The following ARHGAP15 variants were observed in gnomAD, a reference collection of about 807,000 sequenced individuals.
ARHGAP15 encodes rho GTPase-activating protein 15.
In ARHGAP15, 51 loss-of-function variants were observed where a neutral mutation model predicts 63.7. The observed-to-expected ratio is 0.80, with a 90% confidence interval of 0.64 to 1.01. The LOEUF is 1.01. Among genes scored for constraint, ARHGAP15 ranks in the 50% least tolerant of loss-of-function variants. ARHGAP15 has a pLI of 0.00. For synonymous variants in ARHGAP15, 191 were observed against 193.8 expected (o/e 0.99, Z 0.12); for missense variants, 560 against 564.6 (o/e 0.99, Z 0.08).
chr2:143,437,308 G>T, intron 8 of ARHGAP15: 1 of 355,678 alleles, frequency 2.8e-6, no homozygotes, highest in African/African-American at 2.1e-5. Flanking sequence ...AATAGCCATG[G>T]TGTTCAGATC....
At chr2:143,576,194 G>T (rs1039140218) in intron 11 of ARHGAP15, among the ~76,000 whole-genome samples, 2 of 152,126 alleles carry the variant, frequency 1.3e-5, no homozygotes, top group African/African-American at 2.4e-5. Context: ...ATGCTTATGT[G>T]CCACTGAAGG....
intron 11 of ARHGAP15, among the ~76,000 whole-genome samples, chr2:143,592,935 C>T (rs1697377664): frequency 6.6e-6 from 1 of 152,144 alleles, no homozygotes; most frequent in Non-Finnish European, 1.5e-5. Flanking sequence ...TTTATATGTG[C>T]ACCATCCCAC....
chr2:143,520,796 A>G lies in ARHGAP15; in HGVS notation c.925+1432A>G, dbSNP rs1359173904. Among the ~76,000 whole-genome samples, 3 of 152,164 alleles carry G rather than the reference A, an allele frequency of 2.0e-5. 1 individual carries two copies. The highest frequency in any genetic ancestry group is 4.1e-4 in the South Asian group (2 of 4,834). On this transcript the variant is annotated intron_variant, in intron 10 of 13. Transcript: ENST00000295095. The stretch of plus-strand genomic sequence containing the variant: ...CCACTTATAAATACTCAGCCCTGAC[A>G]GTGTGAGCACTATTAGACCAAAAAC...
intron 6 of ARHGAP15, among the ~76,000 whole-genome samples, chr2:143,254,791 C>A (rs1017249913): frequency 3.3e-5 from 5 of 151,940 alleles, no homozygotes; most frequent in Non-Finnish European, 5.9e-5. Flanking sequence ...AGACTGAACA[C>A]TTTTTAGCTG....
In ARHGAP15 at chr2:143,709,067, G is replaced by A. The variant is rs1684459060; in HGVS notation, c.1244+5543G>A. Among the ~76,000 whole-genome samples the A allele has an allele frequency of 2.6e-5, 4 of 152,256 alleles. No individual in the cohort carries two copies. The South Asian group carries it at 8.3e-4, about 32-fold the overall frequency. ...GAAGTACTAGAACTTTTGTTGTCAT[G>A]ACTATTAGTATATTCTAGATATTGC... is the stretch of plus-strand genomic sequence containing the variant. On this transcript the variant is annotated intron_variant, in intron 13 of 13. Transcript: ENST00000295095.
rs556131609 is a variant in ARHGAP15 at position 143,259,859 on chromosome 2, G to A, written c.474+9259G>A. Among the ~76,000 whole-genome samples the A allele has an allele frequency of 4.3e-4, 65 of 152,124 alleles. No individual in the cohort carries two copies. In the South Asian group the frequency reaches 0.013, roughly 31 times the overall value. ...CTGTTGTTGACTGATGAATTTTATC[G>A]ACATTCATTTCTGTTGGCAAATAAA... is the stretch of plus-strand genomic sequence containing the variant. On this transcript the variant is annotated intron_variant, in intron 6 of 13. Transcript: ENST00000295095.
intron 2 of ARHGAP15, among the ~76,000 whole-genome samples, chr2:143,166,674 T>TAAA (rs368204283): frequency 6.6e-6 from 1 of 152,136 alleles, no homozygotes; most frequent in Non-Finnish European, 1.5e-5. Flanking sequence ...AAATGGCCTG[T>TAAA]AAAAAAGAGA....
At chr2:143,200,936 T>C (rs1475783424) in intron 2 of ARHGAP15, among the ~76,000 whole-genome samples, 2 of 152,038 alleles carry the variant, frequency 1.3e-5, no homozygotes, top group Non-Finnish European at 1.5e-5. Flanking sequence ...CCTTGAAACA[T>C]AGAGGTGTGA....
chr2:143,219,992 G>A (rs1489327047), intron 4 of ARHGAP15, among the ~76,000 whole-genome samples: 1 of 152,056 alleles, frequency 6.6e-6, no homozygotes, highest in Non-Finnish European at 1.5e-5. Flanking sequence ...CCAAGTTTAT[G>A]GGGCTTGTTT....
At chr2:143,560,347 ATAATT>A (rs1273699511) in intron 11 of ARHGAP15, among the ~76,000 whole-genome samples, 1 of 152,222 alleles carries the variant, frequency 6.6e-6, no homozygotes, top group Admixed American at 6.5e-5. Context: ...CTTTATTTAC[ATAATT>A]TAATCTAATC....
At chr2:143,562,667 A>T (rs1350209365) in intron 11 of ARHGAP15, among the ~76,000 whole-genome samples, 1 of 152,158 alleles carries the variant, frequency 6.6e-6, no homozygotes, top group Non-Finnish European at 1.5e-5. Context: ...AAAGAGCCAG[A>T]CTCTAACATC....
chr2:143,601,487 G>A (rs927023268), intron 11 of ARHGAP15: 1 of 152,112 alleles, frequency 6.6e-6, no homozygotes, highest in African/African-American at 2.4e-5. Flanking sequence ...GGCAGAATCT[G>A]CCTAGCTACA....
At chr2:143,136,345 A>C (rs554206622) in intron 1 of ARHGAP15, among the ~76,000 whole-genome samples, 2 of 151,418 alleles carry the variant, frequency 1.3e-5, no homozygotes, top group South Asian at 4.1e-4. Context: ...TTTGGTTGTC[A>C]ATACAATGAC....
intron 13 of ARHGAP15, among the ~76,000 whole-genome samples, chr2:143,725,166 A>C (rs1322876308): frequency 6.6e-6 from 1 of 152,232 alleles, no homozygotes; most frequent in African/African-American, 2.4e-5. Context: ...TCTATACTCC[A>C]TCTAAGTAAA....
At chr2:143,187,519 T>C (rs1691499145) in intron 2 of ARHGAP15, among the ~76,000 whole-genome samples, 1 of 152,188 alleles carries the variant, frequency 6.6e-6, no homozygotes, top group Non-Finnish European at 1.5e-5. Flanking sequence ...TTCAGAAGTA[T>C]TAATCCATTT....
chr2:143,134,150 T>C lies in ARHGAP15; in HGVS notation c.-15+4684T>C, dbSNP rs750342395. On this transcript the variant is annotated intron_variant, in intron 1 of 13. Coordinates refer to ENST00000295095, the MANE Select transcript of ARHGAP15 (RefSeq NM_018460.4). ...ATCTATCTATCTATCTATCTATCTA[T>C]CTACCTATCTATCTATCATCTATCT... Among the ~76,000 whole-genome samples, 108 of 26,998 alleles carry C rather than the reference T, an allele frequency of 4.0e-3. 2 individuals carry two copies. The highest frequency in any genetic ancestry group is 7.7e-3 in the African/African-American group (105 of 13,672). The allele number at this position is 26,998 out of a possible 152,430, so 17.7% of individuals were successfully genotyped here.
intron 12 of ARHGAP15, among the ~76,000 whole-genome samples, chr2:143,628,310 A>G (rs895594415): frequency 5.3e-5 from 8 of 152,130 alleles, no homozygotes; most frequent in African/African-American, 9.7e-5. Context: ...TCTTTTTGGT[A>G]GAAAGATTTG....
chr2:143,617,482 C>T (rs1698494157), intron 11 of ARHGAP15, among the ~76,000 whole-genome samples: 1 of 152,148 alleles, frequency 6.6e-6, no homozygotes, highest in Admixed American at 6.5e-5. Flanking sequence ...AGTCAATTTC[C>T]TCCTGTGTCT....
intron 6 of ARHGAP15, among the ~76,000 whole-genome samples, chr2:143,382,757 G>A (rs1687115442): frequency 6.6e-6 from 1 of 152,160 alleles, no homozygotes; most frequent in African/African-American, 2.4e-5. Context: ...GGCTGAAAGT[G>A]CCATCGCCGG....
Sources: gnomAD v4.1 joint callset for allele counts (sites outside exome capture counted in the v4.1 genomes callset) on GRCh38, gnomAD v4.1.1 for gene constraint, MANE v1.5 for transcripts, NCBI Gene and HGNC (gene_info 2026-07-23, HGNC 2026-07-21) for gene names.